Variants in CHCHD6 observed in about 807,000 individuals in gnomAD.
The protein encoded by CHCHD6 is MICOS complex subunit MIC25.
CHCHD6 carries 28 observed loss-of-function variants against 32.3 expected under a neutral mutation model. That is an observed-to-expected ratio of 0.87 (90% CI 0.64 to 1.19). The LOEUF (loss-of-function observed/expected upper bound fraction) is 1.19. Ranked by LOEUF, CHCHD6 falls within the 50% of genes most tolerant of loss-of-function variation. CHCHD6 has a pLI of 0.00. For synonymous variants in CHCHD6, 122 were observed against 117.5 expected, an observed-to-expected ratio of 1.04 and a Z score of -0.25; for missense variants, 333 against 307.0, an observed-to-expected ratio of 1.08 and a Z score of -0.63.
At chr3:126,907,807 T>C (rs527380282) in intron 5 of CHCHD6, among the ~76,000 whole-genome samples, 3 of 152,334 alleles carry the variant, frequency 2.0e-5, no homozygotes, top group South Asian at 2.1e-4. Context: ...AGCAGGATCC[T>C]GGGCTGCACA....
chr3:126,752,908 T>C (rs964162559), intron 4 of CHCHD6, among the ~76,000 whole-genome samples: 1 of 152,166 alleles, frequency 6.6e-6, no homozygotes, highest in African/African-American at 2.4e-5. Flanking sequence ...GGGCATTGAC[T>C]CCTCAACCCC....
intron 4 of CHCHD6, among the ~76,000 whole-genome samples, chr3:126,819,143 G>A (rs1269011966): frequency 6.6e-6 from 1 of 152,204 alleles, no homozygotes; most frequent in Non-Finnish European, 1.5e-5. Flanking sequence ...CTTCATGATG[G>A]AAAGGCGGGG....
intron 6 of CHCHD6, 64 bp from the exon 7 acceptor site, chr3:126,957,352 G>A (rs1341048529): frequency 3.8e-6 from 6 of 1,571,612 alleles, no homozygotes; most frequent in Middle Eastern, 2.2e-4. Context: ...GTGAATGTGA[G>A]TTGTTTCTCT....
At chr3:126,791,435 G>A (rs531682887) in intron 4 of CHCHD6, among the ~76,000 whole-genome samples, 5 of 152,362 alleles carry the variant, frequency 3.3e-5, no homozygotes, top group Non-Finnish European at 7.3e-5. Context: ...AGTCTACAGA[G>A]GCAGGCAGGC....
At chr3:126,831,448 A>G (rs978387370) in intron 4 of CHCHD6, among the ~76,000 whole-genome samples, 1 of 152,144 alleles carries the variant, frequency 6.6e-6, no homozygotes. Context: ...CTGTATTGCA[A>G]TTAGTTTTAT....
chr3:126,945,087 T>A (rs1429147284), intron 6 of CHCHD6, among the ~76,000 whole-genome samples: 2 of 152,078 alleles, frequency 1.3e-5, no homozygotes, highest in Non-Finnish European at 2.9e-5. Context: ...CGTTTTAGGC[T>A]GGTACGATGG....
At chr3:126,944,578 A>G (rs78938041) in intron 6 of CHCHD6, among the ~76,000 whole-genome samples, 48 of 152,336 alleles carry the variant, frequency 3.2e-4, no homozygotes, top group African/African-American at 1.1e-3. Flanking sequence ...TGAGCAGGCC[A>G]GGGAGGCCAC....
intron 6 of CHCHD6, 75 bp from the exon 7 acceptor site, chr3:126,957,341 A>G: frequency 6.5e-7 from 1 of 1,536,172 alleles, no homozygotes. Flanking sequence ...AGGTAGGTGG[A>G]GTGAATGTGA....
At chr3:126,883,513 G>GTCA (rs2077639173) in intron 5 of CHCHD6, among the ~76,000 whole-genome samples, 1 of 152,194 alleles carries the variant, frequency 6.6e-6, no homozygotes, top group Non-Finnish European at 1.5e-5. Context: ...AGTCTTCTGT[G>GTCA]TCAACTGCTG....
intron 5 of CHCHD6, among the ~76,000 whole-genome samples, chr3:126,863,309 C>G: frequency 7.2e-6 from 1 of 139,606 alleles, no homozygotes; most frequent in Non-Finnish European, 1.5e-5. Flanking sequence ...TCCTCCTCCT[C>G]CTCCATCACC....
intron 4 of CHCHD6, among the ~76,000 whole-genome samples, chr3:126,797,135 G>A (rs1271469908): frequency 1.3e-5 from 2 of 152,198 alleles, no homozygotes; most frequent in African/African-American, 2.4e-5. Context: ...TCTCTCTGCA[G>A]GGTGTGCAGG....
rs75381335 is a variant in CHCHD6, at chr3:126,902,050, A to T, written c.496-12630A>T. ...TAAGGCATAAAACTAGTGAGTGGAG[A>T]AACCAGGATTTAAACTCAGGTCTCC... On this transcript the variant is annotated intron_variant, in intron 5 of 7. Coordinates refer to ENST00000290913, the MANE Select transcript of CHCHD6 (RefSeq NM_032343.3). Among the ~76,000 whole-genome samples, 1,109 of 152,366 alleles carry T rather than the reference A, an allele frequency of 7.3e-3. 7 individuals are homozygous for T. The highest frequency in any genetic ancestry group is 0.012 in the Non-Finnish European group (811 of 68,034).
chr3:126,900,300 G>C (rs1245701001), intron 5 of CHCHD6, among the ~76,000 whole-genome samples: 1 of 152,114 alleles, frequency 6.6e-6, no homozygotes, highest in Admixed American at 6.5e-5. Context: ...TGTCAAAGGG[G>C]GTGACACCTA....
chr3:126,828,033 T>C (rs1057215022), intron 4 of CHCHD6, among the ~76,000 whole-genome samples: 1 of 152,184 alleles, frequency 6.6e-6, no homozygotes, highest in African/African-American at 2.4e-5. Flanking sequence ...CTGGGAAGCC[T>C]TTCCTGGTCC....
intron 6 of CHCHD6, among the ~76,000 whole-genome samples, chr3:126,937,495 G>GAAGATAAT (rs1396221677): frequency 2.0e-5 from 3 of 152,336 alleles, no homozygotes; most frequent in African/African-American, 7.2e-5. Context: ...TGCTGGTCTT[G>GAAGATAAT]GCCTGTCCAT....
intron 5 of CHCHD6, among the ~76,000 whole-genome samples, chr3:126,872,307 G>A (rs1224426026): frequency 2.0e-5 from 3 of 152,144 alleles, no homozygotes; most frequent in Non-Finnish European, 4.4e-5. Flanking sequence ...AGGCTGACAT[G>A]GGAGGATTGC....
At chr3:126,930,119 C>T (rs778534233) in intron 6 of CHCHD6, among the ~76,000 whole-genome samples, 3 of 152,152 alleles carry the variant, frequency 2.0e-5, no homozygotes, top group Admixed American at 6.5e-5. Flanking sequence ...CTGCATGCCC[C>T]GTCTCCTAAT....
At chr3:126,958,696 G>A (rs1487962221) in intron 7 of CHCHD6, among the ~76,000 whole-genome samples, 2 of 152,228 alleles carry the variant, frequency 1.3e-5, no homozygotes, top group East Asian at 3.9e-4. Context: ...AGGATGAGTG[G>A]TCGCAAGGCC....
At chr3:126,865,733 C>T in intron 5 of CHCHD6, 5 of 985,202 alleles carry the variant, frequency 5.1e-6, no homozygotes, top group Non-Finnish European at 6.0e-6. Flanking sequence ...CTGCATACTG[C>T]TTCTGGTATG....
Sources: allele counts gnomAD v4.1 joint callset (sites outside exome capture counted in the v4.1 genomes callset), GRCh38; gene constraint gnomAD v4.1.1; transcripts MANE v1.5; gene names NCBI Gene and HGNC (gene_info 2026-07-23, HGNC 2026-07-21).